Variants in ESR1 observed in about 807,000 individuals in gnomAD.
ESR1 encodes the protein estrogen receptor.
In ESR1, 12 loss-of-function variants were observed where a neutral mutation model predicts 52.7. That is an observed-to-expected ratio of 0.23 (90% CI 0.15 to 0.37). ESR1 has a LOEUF of 0.37. Among genes scored for constraint, ESR1 ranks in the 10% least tolerant of loss-of-function variants. The pLI, the probability that ESR1 is intolerant of heterozygous loss-of-function variation, is 1.00. For synonymous variants in ESR1, 305 were observed against 316.8 expected, an observed-to-expected ratio of 0.96 and a Z score of 0.39; for missense variants, 584 against 779.7, an observed-to-expected ratio of 0.75 and a Z score of 2.99.
intron 2 of ESR1, among the ~76,000 whole-genome samples, chr6:151,732,676 T>C (rs956903135): frequency 6.6e-6 from 1 of 152,116 alleles, no homozygotes; most frequent in Non-Finnish European, 1.5e-5. Context: ...TAACCCAGAA[T>C]TAACTTCTAT....
chr6:151,691,573 T>C (rs571317231), intron 1 of ESR1, among the ~76,000 whole-genome samples: 3 of 152,358 alleles, frequency 2.0e-5, no homozygotes, highest in African/African-American at 7.2e-5. Context: ...CAATGGTTCC[T>C]GCTTAAAGGT....
At chr6:151,667,356 T>C (rs1427607936) in intron 1 of ESR1, among the ~76,000 whole-genome samples, 2 of 152,214 alleles carry the variant, frequency 1.3e-5, no homozygotes, top group Non-Finnish European at 2.9e-5. Context: ...CCCTCGAACC[T>C]AGCACAGTGA....
chr6:151,963,420 C>G (rs1250347732), intron 4 of ESR1, among the ~76,000 whole-genome samples: 1 of 152,128 alleles, frequency 6.6e-6, no homozygotes, highest in Non-Finnish European at 1.5e-5. Context: ...GGGACTTCAC[C>G]CACCCTCACC....
intron 3 of ESR1, among the ~76,000 whole-genome samples, chr6:151,933,438 C>T: frequency 1.3e-5 from 2 of 149,578 alleles, no homozygotes; most frequent in East Asian, 3.9e-4. Flanking sequence ...TAATTGAATA[C>T]CCTTTATTTC....
At chr6:151,774,578 G>A (rs1218084364) in intron 2 of ESR1, among the ~76,000 whole-genome samples, 1 of 152,154 alleles carries the variant, frequency 6.6e-6, no homozygotes, top group African/African-American at 2.4e-5. Context: ...TGGTAGGGCT[G>A]GGATGTTATT....
In ESR1 at chr6:151,807,899, C is replaced by T. The variant is rs369069476; in HGVS notation, c.-14C>T. 22 of 1,611,710 alleles carry T rather than the reference C, an allele frequency of 1.4e-5. No individual in the cohort carries two copies. The highest frequency in any genetic ancestry group is 2.2e-5 in the South Asian group (2 of 90,916). Reference sequence around the variant, plus strand: ...GCGGGGACACGGTCTGCACCCTGCCCGCGGCCACGGACCATGACCATGACC... The same window carrying T: ...GCGGGGACACGGTCTGCACCCTGCCTGCGGCCACGGACCATGACCATGACC... On this transcript the variant is annotated 5_prime_UTR_variant, in exon 1 of 8. Transcript: ENST00000206249.
Position 151,836,693 on chromosome 6 carries a change from T to C in ESR1, c.453-5904T>C, listed in dbSNP as rs74546651. Among the ~76,000 whole-genome samples, 708 of 152,290 alleles carry C rather than the reference T, an allele frequency of 4.6e-3. 4 individuals carry two copies. Among genetic ancestry groups the C allele is most frequent in the African/African-American group, 0.016 (683 of 41,566 alleles). ...TGTCAATAATCACCCAAATATAGGA[T>C]TGGAAATTGTGGTAAGTGCCATGAA... On this transcript the variant is annotated intron_variant, in intron 1 of 7. Transcript: ENST00000206249.
chr6:151,698,238 C>T (rs377266097), intron 1 of ESR1, among the ~76,000 whole-genome samples: 22 of 151,840 alleles, frequency 1.4e-4, no homozygotes, highest in Non-Finnish European at 2.1e-4. Flanking sequence ...TGGTGGTGCA[C>T]GCCTGTAGTC....
At chr6:151,966,490 T>C (rs573391326) in intron 4 of ESR1, among the ~76,000 whole-genome samples, 2 of 152,148 alleles carry the variant, frequency 1.3e-5, no homozygotes, top group Non-Finnish European at 2.9e-5. Flanking sequence ...TCTTTTCTCC[T>C]TGAATGTCTT....
intron 2 of ESR1, among the ~76,000 whole-genome samples, chr6:151,843,957 G>A (rs778407641): frequency 6.6e-6 from 1 of 150,704 alleles, no homozygotes; most frequent in African/African-American, 2.4e-5. Context: ...CGAGTAGCAT[G>A]TGAGGTCAAC....
intron 3 of ESR1, among the ~76,000 whole-genome samples, chr6:151,885,790 G>A (rs1475045767): frequency 6.6e-6 from 1 of 152,194 alleles, no homozygotes; most frequent in Non-Finnish European, 1.5e-5. Flanking sequence ...AGTAGGCACA[G>A]GTTGCAGTGA....
At chr6:151,831,058 G>C (rs7775047) in intron 1 of ESR1, among the ~76,000 whole-genome samples, 45,907 of 151,742 alleles carry the variant, frequency 0.3, 9,820 homozygotes, top group African/African-American at 0.61. Context: ...AGTTCTTAAC[G>C]TTTGCATTAT....
In ESR1 at chr6:152,103,193, A is replaced by T. The variant is rs987222115; in HGVS notation, c.*4227A>T. The T allele has an allele frequency of 5.1e-6, 1 of 195,962 alleles. No homozygotes were observed. Among genetic ancestry groups the T allele is most frequent in the African/African-American group, 2.3e-5 (1 of 43,276 alleles). The allele number at this position is 195,962 out of a possible 1,614,324, so 12.1% of individuals were successfully genotyped here. ...ACTTGTAAACCTCTTTTGCACTTTG[A>T]AAAAGAATCCAGCGGGATGCTCGAG... On this transcript the variant is annotated 3_prime_UTR_variant, in exon 8 of 8. Coordinates refer to ENST00000206249, the MANE Select transcript of ESR1 (RefSeq NM_000125.4).
chr6:151,866,121 C>G (rs1789858936), intron 2 of ESR1, among the ~76,000 whole-genome samples: 1 of 152,208 alleles, frequency 6.6e-6, no homozygotes, highest in Non-Finnish European at 1.5e-5. Flanking sequence ...AACGAAGAAG[C>G]TGTGCCCAAC....
In ESR1 at chr6:151,782,845, G is replaced by A. The variant is rs77408389; in HGVS notation, c.-70-24998G>A. Among the ~76,000 whole-genome samples the A allele has an allele frequency of 1.7e-3, 264 of 152,052 alleles. 1 individual carries two copies. Among genetic ancestry groups the A allele is most frequent in the Non-Finnish European group, 3.1e-3 (212 of 67,984 alleles). The stretch of plus-strand genomic sequence containing the variant: ...CGTTAAATACACCTTCCATTCCTCC[G>A]CCACATCCATGCTCTTTCCCATACT... On this transcript the variant is annotated intron_variant, in intron 2 of 2. Transcript: ENST00000404742.
chr6:151,755,987 C>G (rs1026571000), intron 2 of ESR1, among the ~76,000 whole-genome samples: 1 of 152,144 alleles, frequency 6.6e-6, no homozygotes, highest in Admixed American at 6.5e-5. Flanking sequence ...ACAGTCAGAT[C>G]TGCATGGCCC....
chr6:152,054,950 T>C (rs2046980244), intron 5 of ESR1, among the ~76,000 whole-genome samples: 1 of 152,232 alleles, frequency 6.6e-6, no homozygotes, highest in African/African-American at 2.4e-5. Context: ...CCTTTGGTCA[T>C]TTGGGAGCAA....
intron 2 of ESR1, among the ~76,000 whole-genome samples, chr6:151,776,640 T>A (rs930522715): frequency 6.6e-6 from 1 of 152,050 alleles, no homozygotes; most frequent in Non-Finnish European, 1.5e-5. Flanking sequence ...GAGTTCGAGA[T>A]CAGCCTGGTC....
At chr6:151,763,787 A>C (rs1203520671) in intron 2 of ESR1, among the ~76,000 whole-genome samples, 1 of 152,196 alleles carries the variant, frequency 6.6e-6, no homozygotes, top group Non-Finnish European at 1.5e-5. Context: ...ACAGAAATAC[A>C]AGAATGAACA....
Sources: gnomAD v4.1 joint callset for allele counts (sites outside exome capture counted in the v4.1 genomes callset) on GRCh38, gnomAD v4.1.1 for gene constraint, MANE v1.5 for transcripts, NCBI Gene and HGNC (gene_info 2026-07-23, HGNC 2026-07-21) for gene names.